Variants in PPIP5K2 observed in about 807,000 individuals in gnomAD.
PPIP5K2 encodes inositol hexakisphosphate and diphosphoinositol-pentakisphosphate kinase 2.
PPIP5K2 carries 105 observed loss-of-function variants against 154.6 expected under a neutral mutation model. That is an observed-to-expected ratio of 0.68 (90% CI 0.58 to 0.80). The LOEUF (loss-of-function observed/expected upper bound fraction) is 0.80. Among genes scored for constraint, PPIP5K2 ranks in the 30% least tolerant of loss-of-function variants. The pLI is 0.00. For missense variants in PPIP5K2, 992 were observed against 1,504.6 expected (o/e 0.66, Z 5.64); for synonymous variants, 480 against 490.3 (o/e 0.98, Z 0.28).
In PPIP5K2 at chr5:103,180,088, T is replaced by C; in HGVS notation, c.2822T>C (p.Val941Ala). The change falls in exon 24 of 31, where the codon GTT becomes GCT. Residue 941 changes from valine (V) to alanine (A), a missense_variant. By Grantham distance (64) the Val-to-Ala change is moderately conservative. Transcript: ENST00000358359. ...CCACATACTTCTAAAAGAGATGAAG[T>C]TGATCGAGCTGTGATATTGTTTAAA... ...DEPHTSKRDEVDRAVILFKPM... is the reference protein window; with the variant it reads ...DEPHTSKRDEADRAVILFKPM... 1 of 1,604,492 alleles carries C rather than the reference T, an allele frequency of 6.2e-7. No individual in the cohort carries two copies. The highest frequency in any genetic ancestry group is 1.7e-4 in the Middle Eastern group (1 of 6,036).
chr5:103,183,424 T>G lies in PPIP5K2; in HGVS notation c.3096+17T>G, dbSNP rs782095695. 1.3e-6 allele frequency: 2 copies of G among 1,593,642 alleles called. No individual in the cohort carries two copies. Among genetic ancestry groups the G allele is most frequent in the South Asian group, 1.1e-5 (1 of 88,964 alleles). ...TGGCAACAGGTTTTTAAACTTTACT[T>G]CATTAAACATTTTTCCTCCCTGCAT... On this transcript the variant is annotated intron_variant, in intron 25 of 30. Transcript: ENST00000358359.
At chr5:103,195,141 A>C in intron 30 of PPIP5K2, 116 bp downstream of exon 30, 1 of 1,313,504 alleles carries the variant, frequency 7.6e-7, no homozygotes, top group Non-Finnish European at 1.0e-6. Flanking sequence ...CCTAGAGCGT[A>C]ATGATCCTAA....
At chr5:103,178,101 T>A in intron 23 of PPIP5K2, 121 bp downstream of exon 23, 2 of 709,538 alleles carry the variant, frequency 2.8e-6, no homozygotes, top group South Asian at 4.0e-5. Flanking sequence ...AGCAGGAAAA[T>A]GGTTTAAATT....
chr5:103,197,088 A>C (rs1263847817), intron 30 of PPIP5K2, among the ~76,000 whole-genome samples: 1 of 152,142 alleles, frequency 6.6e-6, no homozygotes, highest in African/African-American at 2.4e-5. Context: ...ATTTTGAAGA[A>C]ATTTGCATCT....
At chr5:103,151,209 A>G (rs1794600741) in intron 8 of PPIP5K2, 44 bp from the exon 9 acceptor site, 2 of 1,496,452 alleles carry the variant, frequency 1.3e-6, no homozygotes, top group African/African-American at 2.9e-5. Context: ...GTGAATCTTA[A>G]TAATTTAAAT....
In PPIP5K2 at chr5:103,208,412, A is replaced by G. The variant is rs1417760139; in HGVS notation, c.*6778A>G. ...CCGTAGGTTGGCATTTTAAGCTCACACAATCCTACCAAGGTGACAGTGAAT... is the reference window on the plus strand; with the variant it reads ...CCGTAGGTTGGCATTTTAAGCTCACGCAATCCTACCAAGGTGACAGTGAAT... On this transcript the variant is annotated 3_prime_UTR_variant, in exon 31 of 31. Transcript: ENST00000358359. The G allele has an allele frequency of 6.6e-6, 1 of 152,160 alleles. No homozygotes were observed. Among genetic ancestry groups the G allele is most frequent in the East Asian group, 1.9e-4 (1 of 5,176 alleles). The allele number at this position is 152,160 out of a possible 1,614,324, so 9.4% of individuals were successfully genotyped here. A position where few individuals can be genotyped will look rare whatever the true frequency, so the allele number is the denominator to read the frequency against.
In PPIP5K2 at chr5:103,206,740, A is replaced by T. The variant is rs1803534270; in HGVS notation, c.*5106A>T. ...AGAGACCAAAAAGGAAAGTAGGGCC[A>T]GCTCCTTGTTGTTCCATTTTTCCCC... On this transcript the variant is annotated 3_prime_UTR_variant, in exon 31 of 31. Transcript: ENST00000358359. 6.6e-6 allele frequency: 1 copy of T among 152,252 alleles called. No individual in the cohort carries two copies. The highest frequency in any genetic ancestry group is 1.5e-5 in the Non-Finnish European group (1 of 68,056). The allele number at this position is 152,252 out of a possible 1,614,324, so 9.4% of individuals were successfully genotyped here. A position where few individuals can be genotyped will look rare whatever the true frequency, so the allele number is the denominator to read the frequency against.
At chr5:103,195,378 A>G (rs1345600160) in intron 30 of PPIP5K2, among the ~76,000 whole-genome samples, 3 of 152,080 alleles carry the variant, frequency 2.0e-5, no homozygotes, top group East Asian at 1.9e-4. Flanking sequence ...CCAGCTACTC[A>G]GGAAGTGGAG....
In PPIP5K2 at chr5:103,183,335, A is replaced by G. The variant is rs1554223766; in HGVS notation, c.3024A>G (p.Glu1008=). The G allele has an allele frequency of 1.9e-6, 3 of 1,608,978 alleles. No homozygotes were observed. The East Asian group carries it at 6.8e-5, about 36-fold the overall frequency. The change falls in exon 25 of 31, where the codon GAA becomes GAG. Residue 1008 remains glutamate (E), a synonymous_variant. Coordinates refer to ENST00000358359, the MANE Select transcript of PPIP5K2 (RefSeq NM_001276277.3). The part of the protein sequence containing the change: ...GTGRRRRRSG[E]QITSSPVSPK... ...GGCGTCGAAGACGCAGATCAGGGGA[A>G]CAAATCACTTCTTCCCCTGTCTCCC...
intron 24 of PPIP5K2, among the ~76,000 whole-genome samples, chr5:103,180,887 TGCTTTAGCAATAAC>T (rs371378313): frequency 0.23 from 34,854 of 149,576 alleles, 4,845 homozygotes; most frequent in East Asian, 0.44. Context: ...TTGCTGGAGA[TGCTTTAGCAATAAC>T]TGATTCAAGT....
chr5:103,195,174 G>C lies in PPIP5K2; in HGVS notation c.3619+149G>C, dbSNP rs565061329. The C allele has an allele frequency of 1.4e-4, 140 of 982,466 alleles. No homozygotes were observed. The African/African-American group carries it at 1.8e-3, about 13-fold the overall frequency. 60.9% of individuals were successfully genotyped at this position (982,466 alleles called of 1,614,324 possible). A position where few individuals can be genotyped will look rare whatever the true frequency, so the allele number is the denominator to read the frequency against. On this transcript the variant is annotated intron_variant, in intron 30 of 30. Transcript: ENST00000358359. The stretch of plus-strand genomic sequence containing the variant: ...TAAGGGTTAAAAATCGATTATTGTA[G>C]TCAATTGATATATATTTGTTTTTTG...
At chr5:103,151,403 C>T (rs1229876717) in intron 9 of PPIP5K2, 29 bp downstream of exon 9, 2 of 1,520,004 alleles carry the variant, frequency 1.3e-6, no homozygotes, top group Non-Finnish European at 1.8e-6. Flanking sequence ...TTCTTTTTAC[C>T]TTCATATACT....
At chr5:103,126,717 G>T (rs530740692) in intron 1 of PPIP5K2, among the ~76,000 whole-genome samples, 10 of 151,186 alleles carry the variant, frequency 6.6e-5, no homozygotes, top group African/African-American at 2.2e-4. Context: ...AGGCTGGGAG[G>T]CTAAGCTAGT....
In PPIP5K2 at chr5:103,203,530, T is replaced by C. The variant is rs1803297574; in HGVS notation, c.*1896T>C. ...AAGTCTACTGTATCAGAGCAAAATG[T>C]TATAGTTATCACTGTTTAGTGGCAG... On this transcript the variant is annotated 3_prime_UTR_variant, in exon 31 of 31. Coordinates refer to ENST00000358359, the MANE Select transcript of PPIP5K2 (RefSeq NM_001276277.3). The C allele has an allele frequency of 6.6e-6, 1 of 152,166 alleles. No homozygotes were observed. Among genetic ancestry groups the C allele is most frequent in the African/African-American group, 2.4e-5 (1 of 41,438 alleles). The allele number at this position is 152,166 out of a possible 1,614,324, so 9.4% of individuals were successfully genotyped here. A position where few individuals can be genotyped will look rare whatever the true frequency, so the allele number is the denominator to read the frequency against.
At chr5:103,176,511 CAG>C (rs1716942960) in intron 21 of PPIP5K2, among the ~76,000 whole-genome samples, 1 of 151,924 alleles carries the variant, frequency 6.6e-6, no homozygotes, top group Non-Finnish European at 1.5e-5. Context: ...ATGTCTAAAA[CAG>C]AAATAAAATA....
Position 103,183,427 on chromosome 5 carries a change from T to C in PPIP5K2, c.3096+20T>C. 2 of 1,590,458 alleles carry C rather than the reference T, an allele frequency of 1.3e-6. No individual in the cohort carries two copies. The highest frequency in any genetic ancestry group is 8.6e-7 in the Non-Finnish European group (1 of 1,166,998). On this transcript the variant is annotated intron_variant, in intron 25 of 30. Transcript: ENST00000358359. ...CAACAGGTTTTTAAACTTTACTTCATTAAACATTTTTCCTCCCTGCATTCA... is the reference window on the plus strand; with the variant it reads ...CAACAGGTTTTTAAACTTTACTTCACTAAACATTTTTCCTCCCTGCATTCA...
At chr5:103,142,223 G>C (rs1008799534) in intron 5 of PPIP5K2, among the ~76,000 whole-genome samples, 2 of 152,292 alleles carry the variant, frequency 1.3e-5, no homozygotes, top group East Asian at 3.9e-4. Context: ...GCGCAGCGCC[G>C]GTGGGCTGGC....
At chr5:103,174,068 C>A in intron 21 of PPIP5K2, 96 bp downstream of exon 21, 1 of 973,248 alleles carries the variant, frequency 1.0e-6, no homozygotes, top group Non-Finnish European at 1.5e-6. Flanking sequence ...AGTAATTCAT[C>A]CTTAAGTTTT....
At chr5:103,134,644 T>A (rs538930702) in intron 3 of PPIP5K2, among the ~76,000 whole-genome samples, 1 of 152,286 alleles carries the variant, frequency 6.6e-6, no homozygotes, top group South Asian at 2.1e-4. Context: ...ACATGGTTCT[T>A]CCTATTAGTG....
Sources: allele counts gnomAD v4.1 joint callset (sites outside exome capture counted in the v4.1 genomes callset), GRCh38; gene constraint gnomAD v4.1.1; transcripts MANE v1.5; gene names NCBI Gene and HGNC (gene_info 2026-07-23, HGNC 2026-07-21).